PBX1: variants seen among roughly 807,000 people sequenced by gnomAD.
PBX1 encodes PBX homeobox 1.
A neutral mutation model predicts 53.4 loss-of-function variants in PBX1; 6 were observed. That is an observed-to-expected ratio of 0.11 (90% CI 0.06 to 0.22). The LOEUF (loss-of-function observed/expected upper bound fraction) is 0.22. Ranked by LOEUF, PBX1 falls within the 10% of genes least tolerant of loss-of-function variation. The pLI, the probability that PBX1 is intolerant of heterozygous loss-of-function variation, is 1.00. For synonymous variants in PBX1, 204 were observed against 212.3 expected, an observed-to-expected ratio of 0.96 and a Z score of 0.34; for missense variants, 251 against 551.4, an observed-to-expected ratio of 0.46 and a Z score of 5.46.
At chr1:164,594,034 G>A (rs938385469) in intron 2 of PBX1, among the ~76,000 whole-genome samples, 1 of 152,120 alleles carries the variant, frequency 6.6e-6, no homozygotes, top group African/African-American at 2.4e-5. Flanking sequence ...GGAATTAATA[G>A]CATAGTGTGA....
intron 2 of PBX1, among the ~76,000 whole-genome samples, chr1:164,623,709 T>C (rs1322195237): frequency 6.6e-6 from 1 of 152,248 alleles, no homozygotes; most frequent in Non-Finnish European, 1.5e-5. Context: ...TCCCCACTTC[T>C]CTGTGCTTCT....
chr1:164,748,115 C>A (rs1165822225), intron 2 of PBX1, among the ~76,000 whole-genome samples: 1 of 152,112 alleles, frequency 6.6e-6, no homozygotes, highest in Admixed American at 6.5e-5. Flanking sequence ...GCTAATTATA[C>A]AAGCAGACTA....
At chr1:164,713,156 T>C (rs1257396499) in intron 2 of PBX1, among the ~76,000 whole-genome samples, 1 of 152,148 alleles carries the variant, frequency 6.6e-6, no homozygotes, top group Non-Finnish European at 1.5e-5. Flanking sequence ...GGGGAGGAGT[T>C]GTAAGTTTTC....
At chr1:164,674,449 C>T (rs1281398389) in intron 2 of PBX1, 1 of 152,182 alleles carries the variant, frequency 6.6e-6, no homozygotes, top group African/African-American at 2.4e-5. Flanking sequence ...TGGGATGCAA[C>T]ATCTGCTTTT....
At chr1:164,754,570 A>G (rs1374092429) in intron 2 of PBX1, among the ~76,000 whole-genome samples, 1 of 152,186 alleles carries the variant, frequency 6.6e-6, no homozygotes, top group Non-Finnish European at 1.5e-5. Context: ...CATTGCAGGG[A>G]CTGAAAAAGT....
intron 2 of PBX1, among the ~76,000 whole-genome samples, chr1:164,657,843 C>T (rs1455096196): frequency 6.6e-6 from 1 of 152,194 alleles, no homozygotes; most frequent in East Asian, 1.9e-4. Flanking sequence ...AGTTTAAGCC[C>T]ATGCAACCTG....
intron 3 of PBX1, among the ~76,000 whole-genome samples, chr1:164,795,754 C>T (rs1668753232): frequency 6.6e-6 from 1 of 152,002 alleles, no homozygotes; most frequent in Non-Finnish European, 1.5e-5. Context: ...TGTAACAGTT[C>T]CTTATGGGGA....
intron 3 of PBX1, among the ~76,000 whole-genome samples, chr1:164,794,154 CGT>C: frequency 1.3e-5 from 2 of 152,034 alleles, no homozygotes; most frequent in East Asian, 3.9e-4. Context: ...GGATTATAGG[CGT>C]GAGCCACCAC....
At chr1:164,812,806 T>C (rs75910763) in intron 6 of PBX1, 2 of 152,262 alleles carry the variant, frequency 1.3e-5, no homozygotes, top group East Asian at 3.9e-4. Flanking sequence ...AAATACTATA[T>C]TTTGGGGTGT....
chr1:164,802,348 C>T (rs911302808), intron 4 of PBX1, among the ~76,000 whole-genome samples: 5 of 152,148 alleles, frequency 3.3e-5, no homozygotes, highest in Admixed American at 1.3e-4. Context: ...GCTGTGATCT[C>T]GTCTGAGGCT....
chr1:164,629,328 G>C (rs1189320397), intron 2 of PBX1, among the ~76,000 whole-genome samples: 2 of 152,138 alleles, frequency 1.3e-5, no homozygotes, highest in African/African-American at 4.8e-5. Context: ...GAAAGAGTGA[G>C]GGCAGCTCAT....
intron 2 of PBX1, among the ~76,000 whole-genome samples, chr1:164,603,163 A>ATTT (rs66915947): frequency 4.1e-5 from 6 of 147,938 alleles, no homozygotes; most frequent in African/African-American, 1.5e-4. Context: ...GGGAAGCAGC[A>ATTT]TTTTTTTTTT....
chr1:164,849,008 C>A lies in PBX1; in HGVS notation c.*2332C>A. On this transcript the variant is annotated 3_prime_UTR_variant, in exon 9 of 9. Transcript: ENST00000420696. ...AATCAGAACAGATGCCTAGAAGGAG[C>A]ATTTTTGTGACAACTTCATAGTGAT... The A allele has an allele frequency of 8.6e-7, 1 of 1,168,630 alleles. No individual in the cohort carries two copies. Among genetic ancestry groups the A allele is most frequent in the Non-Finnish European group, 1.1e-6 (1 of 943,374 alleles). 72.4% of individuals were successfully genotyped at this position (1,168,630 alleles called of 1,614,324 possible).
chr1:164,697,914 A>G (rs1412686219), intron 2 of PBX1, among the ~76,000 whole-genome samples: 2 of 152,194 alleles, frequency 1.3e-5, no homozygotes, highest in Non-Finnish European at 2.9e-5. Flanking sequence ...CGTATCAGGA[A>G]CCAGTTCCTC....
At chr1:164,779,313 A>G (rs926662951) in intron 2 of PBX1, among the ~76,000 whole-genome samples, 1 of 152,210 alleles carries the variant, frequency 6.6e-6, no homozygotes, top group South Asian at 2.1e-4. Flanking sequence ...CCCAGCTGAA[A>G]TATAGGTTCT....
chr1:164,608,929 A>C (rs947057521), intron 2 of PBX1, among the ~76,000 whole-genome samples: 1 of 152,190 alleles, frequency 6.6e-6, no homozygotes, highest in Non-Finnish European at 1.5e-5. Flanking sequence ...TAAGTATAAG[A>C]ATTCCAGGAA....
At chr1:164,598,489 G>A (rs7535213) in intron 2 of PBX1, among the ~76,000 whole-genome samples, 74,953 of 151,948 alleles carry the variant, frequency 0.49, 19,118 homozygotes, top group Middle Eastern at 0.55. Flanking sequence ...GATGACTACC[G>A]GCACTCTTAG....
intron 2 of PBX1, among the ~76,000 whole-genome samples, chr1:164,712,453 C>G (rs991433605): frequency 2.0e-5 from 3 of 152,142 alleles, no homozygotes; most frequent in Admixed American, 6.5e-5. Flanking sequence ...CCTTATCGCT[C>G]GGGAGAGATA....
chr1:164,607,083 G>A (rs1305239580), intron 2 of PBX1, among the ~76,000 whole-genome samples: 6 of 152,222 alleles, frequency 3.9e-5, no homozygotes, highest in Non-Finnish European at 7.3e-5. Flanking sequence ...GATCTGCAGG[G>A]CCATAACAGG....
Sources: allele counts gnomAD v4.1 joint callset (sites outside exome capture counted in the v4.1 genomes callset), GRCh38; gene constraint gnomAD v4.1.1; transcripts MANE v1.5; gene names NCBI Gene and HGNC (gene_info 2026-07-23, HGNC 2026-07-21).